Variants in CLEC4A observed in about 807,000 individuals in gnomAD.
CLEC4A encodes the protein C-type lectin domain family 4 member A, also known as C-type (calcium dependent, carbohydrate-recognition domain) lectin, superfamily member 6.
A neutral mutation model predicts 32.7 loss-of-function variants in CLEC4A; 27 were observed. That is an observed-to-expected ratio of 0.83 (90% CI 0.61 to 1.14). The LOEUF is 1.14. Among genes scored for constraint, CLEC4A ranks in the 50% most tolerant of loss-of-function variants. CLEC4A has a pLI of 0.00. For missense variants in CLEC4A, 253 were observed against 274.6 expected, an observed-to-expected ratio of 0.92 and a Z score of 0.55; for synonymous variants, 89 against 93.7, an observed-to-expected ratio of 0.95 and a Z score of 0.29.
At chr12:8,128,099 G>A (rs149303353) in intron 2 of CLEC4A, among the ~76,000 whole-genome samples, 4 of 152,286 alleles carry the variant, frequency 2.6e-5, no homozygotes, top group Admixed American at 2.0e-4. Flanking sequence ...AGACGGATAA[G>A]GATGGAACTC....
chr12:8,110,356 A>G, the CLEC4A span, among the ~76,000 whole-genome samples: 1 of 152,212 alleles, frequency 6.6e-6, no homozygotes, highest in Admixed American at 6.5e-5. Context: ...GTCAAAGATA[A>G]TAATTAATGA....
At chr12:8,111,245 T>C in the CLEC4A span, among the ~76,000 whole-genome samples, 1 of 146,128 alleles carries the variant, frequency 6.8e-6, no homozygotes, top group Non-Finnish European at 1.5e-5. Flanking sequence ...CAGTGGCTGA[T>C]CTCAGCTCAC....
At chr12:8,122,870 A>G (rs150117313), upstream of CLEC4A, among the ~76,000 whole-genome samples, 30 of 152,112 alleles carry the variant, frequency 2.0e-4, no homozygotes, top group African/African-American at 7.0e-4. Flanking sequence ...AGAAGGAATC[A>G]GCTGGGGGAG....
At chr12:8,105,380 G>C in the CLEC4A span, among the ~76,000 whole-genome samples, 1 of 147,150 alleles carries the variant, frequency 6.8e-6, no homozygotes, top group Non-Finnish European at 1.5e-5. Context: ...ATGGAGTTTC[G>C]CTCTTGTCAC....
chr12:8,114,496 A>G, the CLEC4A span, among the ~76,000 whole-genome samples: 9 of 152,230 alleles, frequency 5.9e-5, no homozygotes, highest in South Asian at 8.3e-4. Flanking sequence ...CACCCGCCTC[A>G]GCCTCCCAAA....
chr12:8,117,340 G>T, the CLEC4A span, among the ~76,000 whole-genome samples: 1 of 152,062 alleles, frequency 6.6e-6, no homozygotes, highest in Non-Finnish European at 1.5e-5. Flanking sequence ...CTGGGTTCAA[G>T]TGATTCTCCT....
At chr12:8,108,460 T>C in the CLEC4A span, among the ~76,000 whole-genome samples, 7 of 152,200 alleles carry the variant, frequency 4.6e-5, no homozygotes, top group African/African-American at 1.2e-4. Context: ...TGCCTCTGAA[T>C]TGTACATGAA....
chr12:8,110,851 T>C, the CLEC4A span, among the ~76,000 whole-genome samples: 2 of 151,980 alleles, frequency 1.3e-5, no homozygotes, highest in Non-Finnish European at 1.5e-5. Context: ...CCATTGTCAA[T>C]AATTTTGTGT....
intron 3 of CLEC4A, chr12:8,134,544 A>ACC: frequency 6.2e-7 from 1 of 1,613,504 alleles, no homozygotes; most frequent in Non-Finnish European, 8.5e-7. Flanking sequence ...GTTGCTCTCC[A>ACC]CCCCGACTCC....
intron 3 of CLEC4A, chr12:8,133,694 C>G (rs1284924311): frequency 5.1e-6 from 8 of 1,562,366 alleles, no homozygotes; most frequent in Non-Finnish European, 6.9e-6. Flanking sequence ...ATCCCAAAAG[C>G]CCTGGCACAA....
At chr12:8,120,291 G>C (rs759215866), upstream of CLEC4A, among the ~76,000 whole-genome samples, 2 of 152,078 alleles carry the variant, frequency 1.3e-5, no homozygotes, top group South Asian at 4.1e-4. Context: ...TGGTCTTTCC[G>C]GCATGGCCAG....
chr12:8,124,548 T>C (rs1166371956), intron 1 of CLEC4A, among the ~76,000 whole-genome samples: 3 of 152,200 alleles, frequency 2.0e-5, no homozygotes, highest in African/African-American at 7.2e-5. Flanking sequence ...TGAGACAGAC[T>C]CTGTTACGTT....
chr12:8,131,822 A>ATC (rs1217067076), intron 3 of CLEC4A, among the ~76,000 whole-genome samples: 1 of 49,388 alleles, frequency 2.0e-5, no homozygotes, highest in Non-Finnish European at 6.7e-5. Flanking sequence ...AGATATATAT[A>ATC]TCTATATATA....
the CLEC4A span, among the ~76,000 whole-genome samples, chr12:8,105,266 A>G: frequency 6.6e-6 from 1 of 151,900 alleles, no homozygotes; most frequent in African/African-American, 2.4e-5. Flanking sequence ...CATAATAGCC[A>G]TTCTGACTGG....
chr12:8,106,068 G>A, the CLEC4A span, among the ~76,000 whole-genome samples: 10 of 152,168 alleles, frequency 6.6e-5, no homozygotes, highest in South Asian at 2.1e-4. Context: ...TTTTGTATGC[G>A]GTATAAGGAA....
chr12:8,114,218 C>T, the CLEC4A span, among the ~76,000 whole-genome samples: 1 of 152,138 alleles, frequency 6.6e-6, no homozygotes, highest in Non-Finnish European at 1.5e-5. Context: ...TTTTGACGTA[C>T]TTGCATTAAT....
Position 8,135,627 on chromosome 12 carries a change from G to A in CLEC4A, c.341G>A (p.Ser114Asn). The A allele has an allele frequency of 6.2e-7, 1 of 1,614,200 alleles. No homozygotes were observed. The highest frequency in any genetic ancestry group is 8.5e-7 in the Non-Finnish European group (1 of 1,179,998). ...SCCPKNWKSFSSNCYFISTES... is the reference protein window; with the variant it reads ...SCCPKNWKSFNSNCYFISTES... ...TGCCCAAAGAATTGGAAGTCATTTA[G>A]TTCCAACTGCTACTTTATTTCTACT... The change falls in exon 4 of 6, where the codon AGT (serine) becomes AAT (asparagine). Residue 114 changes from serine (S) to asparagine (N), a missense_variant. Coordinates refer to ENST00000229332, the MANE Select transcript of CLEC4A (RefSeq NM_016184.4).
At chr12:8,137,902 A>G (rs914018442) in intron 5 of CLEC4A, among the ~76,000 whole-genome samples, 1 of 152,196 alleles carries the variant, frequency 6.6e-6, no homozygotes, top group Non-Finnish European at 1.5e-5. Flanking sequence ...TAGAAAATCT[A>G]TGGTGAGGAT....
the CLEC4A span, among the ~76,000 whole-genome samples, chr12:8,111,428 C>T: frequency 6.6e-6 from 1 of 152,150 alleles, no homozygotes; most frequent in Non-Finnish European, 1.5e-5. Context: ...GGTCCACCTG[C>T]CTCAGCCTCC....
Sources: gnomAD v4.1 joint callset for allele counts (sites outside exome capture counted in the v4.1 genomes callset) on GRCh38, gnomAD v4.1.1 for gene constraint, MANE v1.5 for transcripts, NCBI Gene and HGNC (gene_info 2026-07-23, HGNC 2026-07-21) for gene names.